GSTM4: variants seen among roughly 807,000 people sequenced by gnomAD.
GSTM4 encodes the protein GST class-mu 4.
Under a neutral mutation model 30.1 loss-of-function variants are expected in GSTM4, and 27 were observed. The observed-to-expected ratio is 0.90, with a 90% CI of 0.66 to 1.24. The LOEUF is 1.24. Among genes scored for constraint, GSTM4 ranks in the 50% most tolerant of loss-of-function variants. The pLI is 0.00. For synonymous variants in GSTM4, 94 were observed against 96.2 expected (o/e 0.98, Z 0.13); for missense variants, 238 against 272.1 (o/e 0.87, Z 0.88).
chr1:109,657,512 T>G lies in GSTM4; in HGVS notation c.178-78T>G, dbSNP rs761268988. ...GGCACAGTGAGTGCCTGGTCTCCCCTCTGCCCTTGCATATGGGAAGGGGAT... is the reference window on the plus strand; with the variant it reads ...GGCACAGTGAGTGCCTGGTCTCCCCGCTGCCCTTGCATATGGGAAGGGGAT... On this transcript the variant is annotated intron_variant, in intron 3 of 7. Coordinates refer to ENST00000369836, the MANE Select transcript of GSTM4 (RefSeq NM_000850.5). 1.9e-6 allele frequency: 3 copies of G among 1,599,822 alleles called. No individual in the cohort carries two copies. The Admixed American group carries it at 5.0e-5, about 27-fold the overall frequency.
chr1:109,659,622 G>A, intron 7 of GSTM4: 1 of 368,076 alleles, frequency 2.7e-6, no homozygotes, highest in Middle Eastern at 9.6e-4. Flanking sequence ...ACTCCCAGAA[G>A]CTTTGCACGA....
In GSTM4 at chr1:109,658,859, C is replaced by T. The variant is rs3211196; in HGVS notation, c.406C>T (p.Gln136Ter). Residue 136 changes from glutamine (Q) to a stop codon, truncating the protein, a stop_gained, in exon 6 of 8, where the codon CAG (glutamine) becomes TAG (stop). Coordinates refer to ENST00000369836, the MANE Select transcript of GSTM4 (RefSeq NM_000850.5). LOFTEE classifies it high-confidence loss of function. Reference sequence around the variant, plus strand: ...CTTGGAGGAACTTCCTACAATGATGCAGCACTTCTCACAGTTCCTGGGGAA... The same window carrying T: ...CTTGGAGGAACTTCCTACAATGATGTAGCACTTCTCACAGTTCCTGGGGAA... ...EYLEELPTMMQHFSQFLGKRP... is the reference protein window; with the variant it reads ...EYLEELPTMM 1.2e-6 allele frequency: 2 copies of T among 1,614,114 alleles called. No individual in the cohort carries two copies. Among genetic ancestry groups the T allele is most frequent in the East Asian group, 4.5e-5 (2 of 44,888 alleles).
At chr1:109,663,800 G>A (rs1652382146), downstream of GSTM4, among the ~76,000 whole-genome samples, 2 of 152,298 alleles carry the variant, frequency 1.3e-5, no homozygotes, top group South Asian at 2.1e-4. Flanking sequence ...AGATGTCAAC[G>A]TCCTCAGGAC....
chr1:109,665,187 G>A (rs1264103763), downstream of GSTM4: 4 of 692,572 alleles, frequency 5.8e-6, no homozygotes, highest in Non-Finnish European at 1.1e-5. Flanking sequence ...CCACCAAACT[G>A]TCAGGGCCCA....
intron 7 of GSTM4, 75 bp downstream of exon 7, chr1:109,659,185 G>T (rs756409346): frequency 4.3e-5 from 70 of 1,614,078 alleles, no homozygotes; most frequent in Admixed American, 1.7e-5. Context: ...CCCAGTCCTG[G>T]AGCTACATAA....
chr1:109,656,231 C>A lies in GSTM4; in HGVS notation c.-159C>A. 2 of 751,902 alleles carry A rather than the reference C, an allele frequency of 2.7e-6. No individual in the cohort carries two copies. Among genetic ancestry groups the A allele is most frequent in the South Asian group, 1.4e-5 (1 of 71,932 alleles). The allele number at this position is 751,902 out of a possible 1,614,324, so 46.6% of individuals were successfully genotyped here. ...GGTTGGAAGTGACGACCTTGAAGAT[C>A]GGCCGGTTGGAAGTGACGACCTTGA... On this transcript the variant is annotated 5_prime_UTR_variant, in exon 1 of 8. Transcript: ENST00000369836.
At chr1:109,658,249 C>T in intron 5 of GSTM4, 1 of 260,376 alleles carries the variant, frequency 3.8e-6, no homozygotes, top group Non-Finnish European at 7.4e-6. Context: ...TAGCACCCTC[C>T]TCTGTGGAAT....
Position 109,656,425 on chromosome 1 carries a change from G to A in GSTM4, c.36G>A (p.Gly12=). The change falls in exon 1 of 8, where the codon GGG becomes GGA. Residue 12 remains glycine (G), a splice_region_variant and synonymous_variant. Transcript: ENST00000369836. ...CACTGGGGTACTGGGACATCCGCGG[G>A]GTGAGTGAGGGTCCGCTGCACTGTG... ...SMTLGYWDIR[G]LAHAIRLLLE... is the part of the protein sequence containing the mutation. 6.2e-7 allele frequency: 1 copy of A among 1,614,014 alleles called. No homozygotes were observed. The highest frequency in any genetic ancestry group is 8.5e-7 in the Non-Finnish European group (1 of 1,179,918).
chr1:109,657,752 CTG>C lies in GSTM4; in HGVS notation c.260-16_260-15del. 4 of 1,613,860 alleles carry C rather than the reference CTG, an allele frequency of 2.5e-6. No individual in the cohort carries two copies. The highest frequency in any genetic ancestry group is 2.5e-6 in the Non-Finnish European group (3 of 1,179,728). On this transcript the variant is annotated intron_variant, in intron 4 of 7. Coordinates refer to ENST00000369836, the MANE Select transcript of GSTM4 (RefSeq NM_000850.5). ...TTGGGGTGCTATGCTCAGAGTGAGTCTGTGTTTTGTGGGTGGCAGGTGGGGAG... is the reference window on the plus strand; with the variant it reads ...TTGGGGTGCTATGCTCAGAGTGAGTCTGTTTTGTGGGTGGCAGGTGGGGAG...
downstream of GSTM4, among the ~76,000 whole-genome samples, chr1:109,663,086 G>A (rs888050236): frequency 2.6e-5 from 4 of 152,172 alleles, no homozygotes; most frequent in African/African-American, 9.7e-5. Context: ...CAAAAACATG[G>A]ATGGGTCTCA....
At chr1:109,666,519 C>G (rs1647327595), downstream of GSTM4, among the ~76,000 whole-genome samples, 1 of 152,182 alleles carries the variant, frequency 6.6e-6, no homozygotes. Flanking sequence ...GCCTGTCCAC[C>G]TGGTAGACCA....
Position 109,657,862 on chromosome 1 carries a change from G to A in GSTM4, c.350G>A (p.Ser117Asn). Reference protein sequence around the residue: ...VSNQLARVCYSPDFEKLKPEY... With the variant: ...VSNQLARVCYNPDFEKLKPEY... Reference sequence around the variant, plus strand: ...AATCAGCTGGCCAGAGTCTGCTACAGCCCTGACTTTGTGAGTCCCTCCCTG... The same window carrying A: ...AATCAGCTGGCCAGAGTCTGCTACAACCCTGACTTTGTGAGTCCCTCCCTG... The change falls in exon 5 of 8, where the codon AGC (serine) becomes AAC (asparagine). Residue 117 changes from serine (S) to asparagine (N), a missense_variant. Coordinates refer to ENST00000369836, the MANE Select transcript of GSTM4 (RefSeq NM_000850.5). 4 of 1,614,060 alleles carry A rather than the reference G, an allele frequency of 2.5e-6. No homozygotes were observed. The highest frequency in any genetic ancestry group is 3.4e-6 in the Non-Finnish European group (4 of 1,179,916).
In GSTM4 at chr1:109,657,831, G is replaced by C. The variant is rs376131381; in HGVS notation, c.319G>C (p.Val107Leu). 9 of 1,614,044 alleles carry C rather than the reference G, an allele frequency of 5.6e-6. No individual in the cohort carries two copies. In the South Asian group the frequency reaches 8.8e-5, roughly 16 times the overall value. The change falls in exon 5 of 8, where the codon GTC becomes CTC. Residue 107 changes from valine (V) to leucine (L), a missense_variant. Physicochemically the swap from Val to Leu is conservative, Grantham distance 32. Coordinates refer to ENST00000369836, the MANE Select transcript of GSTM4 (RefSeq NM_000850.5). ...VDILENQAMDVSNQLARVCYS... is the reference protein window; with the variant it reads ...VDILENQAMDLSNQLARVCYS... ...CATTTTGGAGAACCAGGCTATGGAC[G>C]TCTCCAATCAGCTGGCCAGAGTCTG...
rs1652046704 is a variant in GSTM4 at position 109,657,279 on chromosome 1, T to G, written c.177T>G (p.Asn59Lys). The change falls in exon 3 of 8, where the codon AAT (asparagine) becomes AAG (lysine). Residue 59 changes from asparagine (N) to lysine (K), a missense_variant and splice_region_variant. Physicochemically the swap from Asn to Lys is moderately conservative, Grantham distance 94. Coordinates refer to ENST00000369836, the MANE Select transcript of GSTM4 (RefSeq NM_000850.5). ...TCAAGCTGGGCCTGGACTTTCCCAA[T>G]GTAGGTGCAGGGGAAGGGGCGGTTT... ...EKFKLGLDFP[N>K]LPYLIDGAHK... 1 of 1,612,228 alleles carries G rather than the reference T, an allele frequency of 6.2e-7. No individual in the cohort carries two copies. The highest frequency in any genetic ancestry group is 8.5e-7 in the Non-Finnish European group (1 of 1,179,794).
At chr1:109,658,066 GA>G in intron 5 of GSTM4, 194 bp downstream of exon 5, 1 of 595,122 alleles carries the variant, frequency 1.7e-6, no homozygotes, top group South Asian at 2.1e-5. Flanking sequence ...GAAGTCCTAT[GA>G]AAGCTAGCAA....
At position 109,656,379 on chromosome 1, in the gene GSTM4, C is replaced by T. The variant is rs755130356; in HGVS notation, c.-11C>T. Reference sequence around the variant, plus strand: ...TGAGGCCTGTCTGCAGAATCGACACCAACCAGCATCATGTCCATGACACTG... The same window carrying T: ...TGAGGCCTGTCTGCAGAATCGACACTAACCAGCATCATGTCCATGACACTG... On this transcript the variant is annotated 5_prime_UTR_variant, in exon 1 of 8. Coordinates refer to ENST00000369836, the MANE Select transcript of GSTM4 (RefSeq NM_000850.5). The T allele has an allele frequency of 7.4e-6, 12 of 1,613,660 alleles. No homozygotes were observed. In the South Asian group the frequency reaches 1.3e-4, roughly 18 times the overall value.
intron 1 of GSTM4, 44 bp from the exon 2 acceptor site, chr1:109,656,668 G>A: frequency 6.3e-7 from 1 of 1,595,344 alleles, no homozygotes; most frequent in Non-Finnish European, 8.6e-7. Context: ...CACCAAGTCA[G>A]GGACCCTCCA....
intron 5 of GSTM4, chr1:109,658,472 T>C: frequency 3.5e-6 from 1 of 289,532 alleles, no homozygotes; most frequent in South Asian, 5.6e-5. Flanking sequence ...TTCTCTGAGC[T>C]CCTTTAGTTC....
At chr1:109,667,622 G>C (rs1419449031), downstream of GSTM4, among the ~76,000 whole-genome samples, 1 of 152,136 alleles carries the variant, frequency 6.6e-6, no homozygotes, top group Non-Finnish European at 1.5e-5. Flanking sequence ...CCCACGTTAG[G>C]TCTGTCATGC....
Sources: allele counts gnomAD v4.1 joint callset (sites outside exome capture counted in the v4.1 genomes callset), GRCh38; gene constraint gnomAD v4.1.1; transcripts MANE v1.5; gene names NCBI Gene and HGNC (gene_info 2026-07-23, HGNC 2026-07-21).